ACAD11: variants seen among roughly 807,000 people sequenced by gnomAD.
ACAD11 encodes acyl-Coenzyme A dehydrogenase family, member 11.
In ACAD11, 83 loss-of-function variants were observed where a neutral mutation model predicts 102.2. The ratio of observed to expected loss-of-function variants is 0.81; its 90% CI spans 0.68 to 0.97. The LOEUF (loss-of-function observed/expected upper bound fraction) is 0.97. ACAD11 is among the 50% of genes least tolerant of loss of function. ACAD11 has a pLI of 0.00. For synonymous variants in ACAD11, 324 were observed against 319.8 expected, an observed-to-expected ratio of 1.01 and a Z score of -0.14; for missense variants, 901 against 951.7, an observed-to-expected ratio of 0.95 and a Z score of 0.70.
intron 1 of ACAD11, among the ~76,000 whole-genome samples, chr3:132,650,772 C>A (rs1479030950): frequency 6.6e-6 from 1 of 152,100 alleles, no homozygotes; most frequent in African/African-American, 2.4e-5. Context: ...ACTGACAGCA[C>A]TACTACCTTG....
At chr3:132,580,558 A>G (rs1937583203) in intron 13 of ACAD11, among the ~76,000 whole-genome samples, 1 of 152,070 alleles carries the variant, frequency 6.6e-6, no homozygotes, top group Non-Finnish European at 1.5e-5. Flanking sequence ...CAATCAAACA[A>G]AATAAAAAGT....
chr3:132,621,371 C>T (rs1282946523), intron 9 of ACAD11: 1 of 152,102 alleles, frequency 6.6e-6, no homozygotes, highest in Admixed American at 6.5e-5. Context: ...GCTGACTTCT[C>T]AAAGCAACAA....
At chr3:132,578,676 CACAG>C in intron 15 of ACAD11, 116 bp downstream of exon 15, 2 of 1,137,792 alleles carry the variant, frequency 1.8e-6, no homozygotes, top group Non-Finnish European at 2.5e-6. Context: ...AGACAGTTGT[CACAG>C]ACAAAGGAAT....
At position 132,655,071 on chromosome 3, in the gene ACAD11, A is replaced by G. The variant is rs141783656; in HGVS notation, c.149+4532T>C. On this transcript the variant is annotated intron_variant, in intron 1 of 19. Coordinates refer to ENST00000264990, the MANE Select transcript of ACAD11 (RefSeq NM_032169.5). ...CATAGAAAAGGTACAGTAAAAACACAGTATTATAATCTAATGGGACCACTG... is the reference window on the plus strand; with the variant it reads ...CATAGAAAAGGTACAGTAAAAACACGGTATTATAATCTAATGGGACCACTG... Among the ~76,000 whole-genome samples the G allele has an allele frequency of 1.3e-4, 20 of 152,340 alleles. No individual in the cohort carries two copies. In the East Asian group the frequency reaches 3.9e-3, roughly 29 times the overall value.
intron 15 of ACAD11, among the ~76,000 whole-genome samples, chr3:132,577,295 T>C (rs990494157): frequency 2.6e-5 from 4 of 152,154 alleles, no homozygotes; most frequent in East Asian, 1.9e-4. Flanking sequence ...CCAGGCTCCA[T>C]AGATCCAGCC....
At chr3:132,629,134 T>C (rs1022476180) in intron 7 of ACAD11, among the ~76,000 whole-genome samples, 1 of 152,208 alleles carries the variant, frequency 6.6e-6, no homozygotes, top group Non-Finnish European at 1.5e-5. Flanking sequence ...CCAAAGCTAC[T>C]ACATGTACAG....
intron 13 of ACAD11, among the ~76,000 whole-genome samples, chr3:132,584,543 C>A (rs1559940575): frequency 6.6e-6 from 1 of 152,124 alleles, no homozygotes; most frequent in Non-Finnish European, 1.5e-5. Flanking sequence ...TCAATTGGAG[C>A]ATTTAGCCCA....
intron 7 of ACAD11, among the ~76,000 whole-genome samples, chr3:132,630,196 C>A (rs1172370899): frequency 6.6e-6 from 1 of 152,158 alleles, no homozygotes. Context: ...ATTCTTCCTC[C>A]ATCCATCTTG....
intron 18 of ACAD11, among the ~76,000 whole-genome samples, chr3:132,560,764 G>A (rs1937032024): frequency 2.0e-5 from 3 of 152,040 alleles, no homozygotes; most frequent in Admixed American, 6.6e-5. Context: ...TAGGCCTTAG[G>A]CAGAAAAGTT....
chr3:132,596,217 G>A (rs1441398869), intron 13 of ACAD11, among the ~76,000 whole-genome samples: 1 of 152,150 alleles, frequency 6.6e-6, no homozygotes, highest in Non-Finnish European at 1.5e-5. Context: ...ACTTATAAGT[G>A]GGAGCTAAGA....
chr3:132,576,467 T>C (rs1937525934), intron 16 of ACAD11, among the ~76,000 whole-genome samples: 1 of 152,228 alleles, frequency 6.6e-6, no homozygotes, highest in Non-Finnish European at 1.5e-5. Flanking sequence ...TGTTCAAAGT[T>C]ATTTATGCTT....
chr3:132,592,236 A>T (rs1938111704), intron 13 of ACAD11, among the ~76,000 whole-genome samples: 2 of 152,164 alleles, frequency 1.3e-5, no homozygotes, highest in Admixed American at 6.6e-5. Flanking sequence ...GCAGCAGTTG[A>T]AACAACCTTC....
chr3:132,599,920 TTA>T (rs1938493147), intron 13 of ACAD11, among the ~76,000 whole-genome samples: 1 of 152,146 alleles, frequency 6.6e-6, no homozygotes, highest in Non-Finnish European at 1.5e-5. Flanking sequence ...AAAAATAAAT[TTA>T]ATTTAAATAA....
chr3:132,607,014 ACT>A lies in ACAD11; in HGVS notation c.1415-1811_1415-1810del, dbSNP rs369420514. ...AGGGTTGGGAGTGGACCTCCAGCAA[ACT>A]CCAGCAGACCTGCAGCAGAGGGGCC... On this transcript the variant is annotated intron_variant, in intron 11 of 19. Transcript: ENST00000264990. 7.4e-4 allele frequency among the ~76,000 whole-genome samples: 113 copies of A among 152,174 alleles called. 1 individual carries two copies. Among genetic ancestry groups the A allele is most frequent in the African/African-American group, 2.6e-3 (108 of 41,508 alleles).
At chr3:132,605,998 C>G (rs1312560140) in intron 11 of ACAD11, among the ~76,000 whole-genome samples, 1 of 152,172 alleles carries the variant, frequency 6.6e-6, no homozygotes, top group Non-Finnish European at 1.5e-5. Context: ...CAGTATTGCC[C>G]TTGGCTAACA....
intron 1 of ACAD11, among the ~76,000 whole-genome samples, chr3:132,653,680 A>G (rs775790523): frequency 3.9e-5 from 6 of 152,166 alleles, no homozygotes; most frequent in African/African-American, 4.8e-5. Flanking sequence ...AACCCATTTC[A>G]ATCAAGCTTT....
intron 11 of ACAD11, among the ~76,000 whole-genome samples, chr3:132,614,486 A>C (rs553027602): frequency 6.6e-6 from 1 of 152,152 alleles, no homozygotes; most frequent in Non-Finnish European, 1.5e-5. Flanking sequence ...TATATAGACC[A>C]ATGGAACAGA....
chr3:132,642,223 TTAATA>T, intron 3 of ACAD11, 90 bp from the exon 4 acceptor site: 1 of 1,276,222 alleles, frequency 7.8e-7, no homozygotes, highest in Non-Finnish European at 1.1e-6. Flanking sequence ...TGAAACATAT[TTAATA>T]TTAGAGTATA....
chr3:132,632,020 A>G (rs1940060867), intron 5 of ACAD11, among the ~76,000 whole-genome samples: 1 of 152,206 alleles, frequency 6.6e-6, no homozygotes, highest in Non-Finnish European at 1.5e-5. Flanking sequence ...TGTGGAACCA[A>G]TAAAACAGAA....
Sources: gnomAD v4.1 joint callset for allele counts (sites outside exome capture counted in the v4.1 genomes callset) on GRCh38, gnomAD v4.1.1 for gene constraint, MANE v1.5 for transcripts, NCBI Gene and HGNC (gene_info 2026-07-23, HGNC 2026-07-21) for gene names.